Variants in RAP1GAP2 observed in about 807,000 individuals in gnomAD.
RAP1GAP2 encodes RAP1 GTPase activating protein 2, also known as rap1 GTPase-activating protein 2.
In RAP1GAP2, 27 loss-of-function variants were observed where a neutral mutation model predicts 95.0. The ratio of observed to expected loss-of-function variants is 0.28; its 90% CI spans 0.21 to 0.39. The LOEUF is 0.39. Among genes scored for constraint, RAP1GAP2 ranks in the 10% least tolerant of loss-of-function variants. The pLI, the probability that RAP1GAP2 is intolerant of heterozygous loss-of-function variation, is 1.00. For synonymous variants in RAP1GAP2, 373 were observed against 380.9 expected (o/e 0.98, Z 0.24); for missense variants, 771 against 970.0 (o/e 0.79, Z 2.72).
In RAP1GAP2 at chr17:2,771,486, G is replaced by GTTTT. The variant is rs566884358; in HGVS notation, c.167+1050_167+1053dup. Among the ~76,000 whole-genome samples, 89 of 123,460 alleles carry GTTTT rather than the reference G, an allele frequency of 7.2e-4. 5 individuals carry two copies. The highest frequency in any genetic ancestry group is 2.4e-3 in the African/African-American group (72 of 30,320). The allele number at this position is 123,460 out of a possible 152,430, so 81.0% of individuals were successfully genotyped here. Reference sequence around the variant, plus strand: ...CTTTCCCCATCAAAGCCACTTTTTTGTTTTTTTTTTTTGTTTTTTTTTTTT... The same window carrying GTTTT: ...CTTTCCCCATCAAAGCCACTTTTTTGTTTTTTTTTTTTTTTTGTTTTTTTTTTTT... On this transcript the variant is annotated intron_variant, in intron 2 of 25. Coordinates refer to the RAP1GAP2 transcript ENST00000637138.
intron 4 of RAP1GAP2, among the ~76,000 whole-genome samples, chr17:2,961,168 G>C (rs574068698): frequency 6.6e-6 from 1 of 150,870 alleles, no homozygotes; most frequent in African/African-American, 2.4e-5. Flanking sequence ...AGTGAACCGA[G>C]ATCCCACCAC....
At chr17:2,949,189 C>T (rs932804943) in intron 3 of RAP1GAP2, among the ~76,000 whole-genome samples, 3 of 152,142 alleles carry the variant, frequency 2.0e-5, no homozygotes, top group African/African-American at 4.8e-5. Flanking sequence ...GCAGAGTCCA[C>T]GGGGAAATGC....
chr17:2,840,043 C>T (rs1323171863), intron 2 of RAP1GAP2, among the ~76,000 whole-genome samples: 3 of 151,996 alleles, frequency 2.0e-5, no homozygotes, highest in African/African-American at 7.3e-5. Flanking sequence ...GGTTCGCACC[C>T]GGCAGAACCA....
At chr17:2,980,168 C>A in intron 8 of RAP1GAP2, 119 bp from the exon 9 acceptor site, 1 of 858,800 alleles carries the variant, frequency 1.2e-6, no homozygotes, top group Admixed American at 2.1e-5. Flanking sequence ...GTCTCGAACT[C>A]CTGACCTCAA....
At chr17:2,876,992 G>T (rs370910385) in intron 2 of RAP1GAP2, among the ~76,000 whole-genome samples, 1 of 150,790 alleles carries the variant, frequency 6.6e-6, no homozygotes, top group East Asian at 2.0e-4. Flanking sequence ...GGGTTCAAGC[G>T]ATTCTCCTGC....
At chr17:2,861,975 C>T (rs2072413660) in intron 2 of RAP1GAP2, among the ~76,000 whole-genome samples, 1 of 152,164 alleles carries the variant, frequency 6.6e-6, no homozygotes, top group African/African-American at 2.4e-5. Flanking sequence ...CCTTTTAATA[C>T]TCAGCGCCCT....
At chr17:2,895,930 C>T (rs1170675062) in intron 2 of RAP1GAP2, among the ~76,000 whole-genome samples, 4 of 152,044 alleles carry the variant, frequency 2.6e-5, no homozygotes, top group Non-Finnish European at 5.9e-5. Flanking sequence ...GATGTGTCTC[C>T]TGGGCATTGC....
Position 2,927,412 on chromosome 17 carries a change from C to T in RAP1GAP2, c.165+22044C>T, listed in dbSNP as rs866360841. ...TCGTGATCCGCCCGCCTTGGCCTCC[C>T]AAAGTGCTGGGATTACAGGCGTGAG... On this transcript the variant is annotated intron_variant, in intron 3 of 24. Coordinates refer to ENST00000254695, the MANE Select transcript of RAP1GAP2 (RefSeq NM_015085.5). Among the ~76,000 whole-genome samples the T allele has an allele frequency of 1.6e-4, 24 of 152,184 alleles. 1 individual carries two copies. Among genetic ancestry groups the T allele is most frequent in the Non-Finnish European group, 2.8e-4 (19 of 68,028 alleles).
Position 2,855,010 on chromosome 17 carries a change from A to G in RAP1GAP2, c.81-50274A>G, listed in dbSNP as rs993655521. Among the ~76,000 whole-genome samples, 1 of 152,106 alleles carries G rather than the reference A, an allele frequency of 6.6e-6. No homozygotes were observed. The highest frequency in any genetic ancestry group is 6.6e-5 in the Admixed American group (1 of 15,264). On this transcript the variant is annotated intron_variant, in intron 2 of 24. Coordinates refer to ENST00000254695, the MANE Select transcript of RAP1GAP2 (RefSeq NM_015085.5). This position sits in a 1 kb window ranked among gnomAD's most constrained non-coding sequence, Gnocchi z 4.3. ...TGGAATGGTTAATACCGCACCCTAT[A>G]AGACACGGGCAGTGGAACCAGAGAC... is the stretch of plus-strand genomic sequence containing the variant.
Position 2,903,415 on chromosome 17 carries a change from A to G in RAP1GAP2, c.81-1869A>G, listed in dbSNP as rs1375652861. On this transcript the variant is annotated intron_variant, in intron 2 of 24. Coordinates refer to ENST00000254695, the MANE Select transcript of RAP1GAP2 (RefSeq NM_015085.5). The surrounding 1 kb of genome is among the most constrained non-coding windows in gnomAD (Gnocchi z 4.1). Reference sequence around the variant, plus strand: ...CAGCCAGACTGGAGCCTACGGTGGTAATGTCCAAGGCCGTACATAGAAGGA... The same window carrying G: ...CAGCCAGACTGGAGCCTACGGTGGTGATGTCCAAGGCCGTACATAGAAGGA... Among the ~76,000 whole-genome samples, 1 of 152,078 alleles carries G rather than the reference A, an allele frequency of 6.6e-6. No homozygotes were observed. Among genetic ancestry groups the G allele is most frequent in the African/African-American group, 2.4e-5 (1 of 41,416 alleles).
chr17:3,006,465 ACT>A (rs1166846696), intron 16 of RAP1GAP2, among the ~76,000 whole-genome samples: 4 of 86,662 alleles, frequency 4.6e-5, no homozygotes, highest in African/African-American at 1.8e-4. Flanking sequence ...ACAGAATCTC[ACT>A]CTGTCACCCA....
At chr17:2,809,347 A>AG (rs770018205) in intron 2 of RAP1GAP2, among the ~76,000 whole-genome samples, 1 of 152,164 alleles carries the variant, frequency 6.6e-6, no homozygotes, top group Non-Finnish European at 1.5e-5. Context: ...GGAGCCCGTG[A>AG]GGGTGTTTTC....
intron 3 of RAP1GAP2, among the ~76,000 whole-genome samples, chr17:2,944,407 G>T (rs1413109589): frequency 6.6e-6 from 1 of 152,154 alleles, no homozygotes; most frequent in African/African-American, 2.4e-5. Flanking sequence ...TCTTTCCCTA[G>T]GATTGGTCTT....
intron 1 of RAP1GAP2, among the ~76,000 whole-genome samples, chr17:2,786,332 T>C (rs894071401): frequency 3.3e-5 from 5 of 152,248 alleles, no homozygotes; most frequent in African/African-American, 9.6e-5. Flanking sequence ...GCTTATCTTT[T>C]GCAGGAGGAG....
chr17:2,951,473 C>T (rs1019651232), intron 3 of RAP1GAP2, among the ~76,000 whole-genome samples: 6 of 152,238 alleles, frequency 3.9e-5, no homozygotes, highest in Admixed American at 1.3e-4. Context: ...AATCCCAGCA[C>T]TTTGGGAGGC....
At chr17:3,012,028 C>T (rs965778902) in intron 17 of RAP1GAP2, among the ~76,000 whole-genome samples, 3 of 152,264 alleles carry the variant, frequency 2.0e-5, no homozygotes, top group East Asian at 1.9e-4. Flanking sequence ...GCTGCTCCCC[C>T]ACGTCAGCAC....
chr17:2,808,811 G>A (rs2069631548), intron 2 of RAP1GAP2, among the ~76,000 whole-genome samples: 1 of 152,200 alleles, frequency 6.6e-6, no homozygotes, highest in African/African-American at 2.4e-5. Context: ...GGGCATGTGG[G>A]TGTGTGCAGA....
chr17:2,924,266 G>C (rs991862560), intron 3 of RAP1GAP2, among the ~76,000 whole-genome samples: 1 of 152,108 alleles, frequency 6.6e-6, no homozygotes, highest in Non-Finnish European at 1.5e-5. Context: ...GCTGAGTAAC[G>C]GTCTGCACCT....
At chr17:2,992,391 A>T (rs980503953) in intron 12 of RAP1GAP2, among the ~76,000 whole-genome samples, 2 of 151,054 alleles carry the variant, frequency 1.3e-5, no homozygotes, top group African/African-American at 4.9e-5. Context: ...CGATCTCCTG[A>T]CCTCATGATC....
Sources: allele counts gnomAD v4.1 joint callset (sites outside exome capture counted in the v4.1 genomes callset), GRCh38; gene constraint gnomAD v4.1.1; non-coding constraint Gnocchi (gnomAD v3.1); transcripts MANE v1.5; gene names NCBI Gene and HGNC (gene_info 2026-07-23, HGNC 2026-07-21).